Variants in HSPG2 observed in about 807,000 individuals in gnomAD.
HSPG2 encodes basement membrane-specific heparan sulfate proteoglycan core protein.
A neutral mutation model predicts 526.6 loss-of-function variants in HSPG2; 278 were observed. The observed-to-expected ratio is 0.53, with a 90% CI of 0.48 to 0.58. The LOEUF (loss-of-function observed/expected upper bound fraction) is 0.58, where lower values mean the gene tolerates loss of function less well. HSPG2 is among the 20% of genes least tolerant of loss of function. HSPG2 has a pLI of 0.00. For synonymous variants in HSPG2, 2,465 were observed against 2,555.4 expected (o/e 0.96, Z 1.07); for missense variants, 5,354 against 6,099.5 (o/e 0.88, Z 4.07).
rs1295557564 is a variant in HSPG2, at chr1:21,875,341, G to A, written c.3302+288C>T. ...CCAGAGCTCCCTGTGGGCTGAGGCT[G>A]GGGCTAGACTTGACCTGAAACCATA... On this transcript the variant is annotated intron_variant, in intron 25 of 96. Transcript: ENST00000374695. 9 of 597,366 alleles carry A rather than the reference G, an allele frequency of 1.5e-5. No individual in the cohort carries two copies. In the East Asian group the frequency reaches 2.2e-4, roughly 15 times the overall value. The allele number at this position is 597,366 out of a possible 1,614,324, so 37.0% of individuals were successfully genotyped here.
Position 21,827,893 on chromosome 1 carries a change from C to T in HSPG2, c.12559G>A (p.Asp4187Asn), listed in dbSNP as rs780983936. 1.4e-5 allele frequency: 23 copies of T among 1,595,528 alleles called. No homozygotes were observed. Among genetic ancestry groups the T allele is most frequent in the African/African-American group, 9.4e-5 (7 of 74,840 alleles). The change falls in exon 91 of 97, where the codon GAC becomes AAC. Residue 4187 changes from aspartate to asparagine, a missense_variant. Transcript: ENST00000374695. ...QGSGHGIAES[D>N]WHLEGSGGND... is the part of the protein sequence containing the mutation. ...CCCCCGCTGCCTTCAAGATGCCAGT[C>T]GGACTCTGCTATGCCATGTCCAGAG...
rs567404863 is a variant in HSPG2, at chr1:21,906,709, G to C, written c.64-10399C>G. ...CCTCCCTAAGTCCTAAATGACTGAA[G>C]CAACATGATGGGACTGGGGGGTGGG... is the stretch of plus-strand genomic sequence containing the variant. On this transcript the variant is annotated intron_variant, in intron 1 of 96. Coordinates refer to ENST00000374695, the MANE Select transcript of HSPG2 (RefSeq NM_005529.7). 9.1e-5 allele frequency among the ~76,000 whole-genome samples: 11 copies of C among 120,926 alleles called. No homozygotes were observed. The Admixed American group carries it at 9.9e-4, about 11-fold the overall frequency. The allele number at this position is 120,926 out of a possible 152,430, so 79.3% of individuals were successfully genotyped here. A position where few individuals can be genotyped will look rare whatever the true frequency, so the allele number is the denominator to read the frequency against.
In HSPG2 at chr1:21,854,994, T is replaced by C; in HGVS notation, c.5998-11A>G. The C allele has an allele frequency of 6.2e-7, 1 of 1,610,968 alleles. No homozygotes were observed. Among genetic ancestry groups the C allele is most frequent in the East Asian group, 2.2e-5 (1 of 44,832 alleles). ...GCGCTCTGACCGGGCCTGCCGTGGGTGAGATGGGTCAGCTGCCCCAGAGGC... is the reference window on the plus strand; with the variant it reads ...GCGCTCTGACCGGGCCTGCCGTGGGCGAGATGGGTCAGCTGCCCCAGAGGC... On this transcript the variant is annotated splice_polypyrimidine_tract_variant and intron_variant, in intron 47 of 96. Coordinates refer to ENST00000374695, the MANE Select transcript of HSPG2 (RefSeq NM_005529.7).
chr1:21,829,871 G>A lies in HSPG2; in HGVS notation c.11770+122C>T, dbSNP rs1003255996. 21 of 938,352 alleles carry A rather than the reference G, an allele frequency of 2.2e-5. No homozygotes were observed. The African/African-American group carries it at 2.3e-4, about 10-fold the overall frequency. 58.1% of individuals were successfully genotyped at this position (938,352 alleles called of 1,614,324 possible). On this transcript the variant is annotated intron_variant, in intron 86 of 96. Coordinates refer to ENST00000374695, the MANE Select transcript of HSPG2 (RefSeq NM_005529.7). ...GGCAGACATGTGGCCAGGTGACTTC[G>A]AGATCCTCTGGCTTGGGAATCGTTT...
chr1:21,884,026 G>A (rs1173920783), intron 13 of HSPG2, among the ~76,000 whole-genome samples: 1 of 152,218 alleles, frequency 6.6e-6, no homozygotes, highest in East Asian at 1.9e-4. Context: ...TATAATCTGG[G>A]TACACTGGCA....
In HSPG2 at chr1:21,833,304, C is replaced by T. The variant is rs371824331; in HGVS notation, c.11059G>A (p.Glu3687Lys). 13 of 1,614,102 alleles carry T rather than the reference C, an allele frequency of 8.1e-6. No individual in the cohort carries two copies. Among genetic ancestry groups the T allele is most frequent in the Admixed American group, 5.0e-5 (3 of 60,024 alleles). The change falls in exon 80 of 97, where the codon GAG (glutamate) becomes AAG (lysine). Residue 3687 changes from glutamate to lysine, a missense_variant. Coordinates refer to ENST00000374695, the MANE Select transcript of HSPG2 (RefSeq NM_005529.7). ...PTIKDAYRKFEIKITFRPDSA... is the reference protein window; with the variant it reads ...PTIKDAYRKFKIKITFRPDSA... ...TCGGGCCGGAAGGTGATCTTGATCT[C>T]GAACTTCCTGTAGGCATCCTTGATG...
rs1260898888 is a variant in HSPG2 at position 21,854,845 on chromosome 1, T to C, written c.6133+3A>G. On this transcript the variant is annotated splice_donor_region_variant and intron_variant, in intron 48 of 96. Transcript: ENST00000374695. Reference sequence around the variant, plus strand: ...CACCCCTCCATTCCCAGAGAGTCCGTACCTGAAAGGACAACCACTTGGATC... The same window carrying C: ...CACCCCTCCATTCCCAGAGAGTCCGCACCTGAAAGGACAACCACTTGGATC... 1 of 1,613,822 alleles carries C rather than the reference T, an allele frequency of 6.2e-7. No individual in the cohort carries two copies. Among genetic ancestry groups the C allele is most frequent in the Non-Finnish European group, 8.5e-7 (1 of 1,179,898 alleles).
rs1188327900 is a variant in HSPG2, at chr1:21,881,435, G to A, written c.1722C>T (p.Asp574=). ...CTAGCTGGAACTCGTGCAGGGATGG[G>A]TCGATCTGCAGCTGCGTGGAGGAGA... is the stretch of plus-strand genomic sequence containing the variant. ...PPLSSTQLQI[D]PSLHEFQLVD... Residue 574 remains aspartate (D), a synonymous_variant, in exon 14 of 97, where the codon GAC becomes GAT. Transcript: ENST00000374695. 4.3e-6 allele frequency: 7 copies of A among 1,613,860 alleles called. No individual in the cohort carries two copies. Among genetic ancestry groups the A allele is most frequent in the Non-Finnish European group, 5.9e-6 (7 of 1,180,026 alleles).
Position 21,833,497 on chromosome 1 carries a change from C to A in HSPG2, c.10948G>T (p.Val3650Phe). 1 of 1,614,182 alleles carries A rather than the reference C, an allele frequency of 6.2e-7. No individual in the cohort carries two copies. ...ACCTGCAGGTGGGCAAAGGCTTTGA[C>A]CTTGCCCTGGCGGTTAGTGGCGGTG... ...VCTATNRQGK[V>F]KAFAHLQVPE... The change falls in exon 79 of 97, where the codon GTC becomes TTC. Residue 3650 changes from valine to phenylalanine, a missense_variant. Transcript: ENST00000374695.
intron 1 of HSPG2, among the ~76,000 whole-genome samples, chr1:21,909,368 T>G (rs1030759916): frequency 2.0e-5 from 3 of 152,126 alleles, no homozygotes; most frequent in African/African-American, 7.2e-5. Context: ...AGAGAGCACA[T>G]GCTGAATCCC....
intron 17 of HSPG2, 85 bp from the exon 18 acceptor site, chr1:21,879,206 A>G: frequency 6.5e-7 from 1 of 1,538,466 alleles, no homozygotes; most frequent in African/African-American, 1.4e-5. Flanking sequence ...TGTCTAGCTC[A>G]GCCTCCCCAT....
At chr1:21,891,528 C>T (rs375840518) in intron 3 of HSPG2, among the ~76,000 whole-genome samples, 1 of 152,312 alleles carries the variant, frequency 6.6e-6, no homozygotes, top group East Asian at 1.9e-4. Flanking sequence ...CAGTGCCTGC[C>T]GCGTGCCTGG....
intron 44 of HSPG2, 40 bp downstream of exon 44, chr1:21,856,975 G>A (rs765891530): frequency 1.9e-6 from 3 of 1,592,666 alleles, no homozygotes; most frequent in East Asian, 2.2e-5. Flanking sequence ...GAATGGGGGA[G>A]AGACAGGAGG....
At chr1:21,922,713 A>C (rs1261453599) in intron 1 of HSPG2, among the ~76,000 whole-genome samples, 1 of 151,114 alleles carries the variant, frequency 6.6e-6, no homozygotes, top group African/African-American at 2.4e-5. Flanking sequence ...CCTGCCTAAA[A>C]CCCCCCTGCC....
At chr1:21,935,688 C>T (rs1569754378) in intron 1 of HSPG2, among the ~76,000 whole-genome samples, 1 of 152,198 alleles carries the variant, frequency 6.6e-6, no homozygotes, top group African/African-American at 2.4e-5. Context: ...AGCCCCTCAT[C>T]GGGGGCAGAG....
rs748770587 is a variant in HSPG2 at position 21,848,943 on chromosome 1, T to C, written c.7535A>G (p.Gln2512Arg). Residue 2512 changes from glutamine to arginine, a missense_variant, in exon 58 of 97, where the codon CAG (glutamine) becomes CGG (arginine). Coordinates refer to ENST00000374695, the MANE Select transcript of HSPG2 (RefSeq NM_005529.7). The surrounding 1 kb of genome is among the most constrained non-coding windows in gnomAD (Gnocchi z 4.9). ...VCRVVGSSGTQEASVLVTIQQ... is the reference protein window; with the variant it reads ...VCRVVGSSGTREASVLVTIQQ... ...GATGGTGACAAGGACTGAGGCTTCC[T>C]GGGTACCTGAGCTGCCGACCACACG... is the stretch of plus-strand genomic sequence containing the variant. 6.2e-7 allele frequency: 1 copy of C among 1,613,030 alleles called. No individual in the cohort carries two copies. The highest frequency in any genetic ancestry group is 8.5e-7 in the Non-Finnish European group (1 of 1,179,910).
intron 33 of HSPG2, among the ~76,000 whole-genome samples, chr1:21,868,413 A>G (rs942786563): frequency 6.6e-6 from 1 of 152,224 alleles, no homozygotes. Flanking sequence ...ATCTAAGGCC[A>G]ATGCCAGCAC....
rs987435136 is a variant in HSPG2, at chr1:21,824,303, T to A, written c.12815+3A>T. 6.2e-7 allele frequency: 1 copy of A among 1,613,816 alleles called. No homozygotes were observed. Among genetic ancestry groups the A allele is most frequent in the Non-Finnish European group, 8.5e-7 (1 of 1,179,952 alleles). ...AGAGGAAGGGCCAGGTGCCAGGACCTACCTGAAGACAAGGTGCCCGTCTTG... is the reference window on the plus strand; with the variant it reads ...AGAGGAAGGGCCAGGTGCCAGGACCAACCTGAAGACAAGGTGCCCGTCTTG... On this transcript the variant is annotated splice_donor_region_variant and intron_variant, in intron 94 of 96. Transcript: ENST00000374695. This position sits in a 1 kb window ranked among gnomAD's most constrained non-coding sequence, Gnocchi z 5.9.
rs186112414 is a variant in HSPG2, at chr1:21,878,774, C to T, written c.2472-111G>A. ...AGACACAGTGTGCCACGAGGCATGA[C>T]GCCATCTCCCTGCCCGGCAGCCTCA... is the stretch of plus-strand genomic sequence containing the variant. On this transcript the variant is annotated intron_variant, in intron 18 of 96. Coordinates refer to ENST00000374695, the MANE Select transcript of HSPG2 (RefSeq NM_005529.7). 59 of 1,225,236 alleles carry T rather than the reference C, an allele frequency of 4.8e-5. No homozygotes were observed. In the East Asian group the frequency reaches 5.9e-4, roughly 12 times the overall value. The allele number at this position is 1,225,236 out of a possible 1,614,324, so 75.9% of individuals were successfully genotyped here.
Sources: gnomAD v4.1 joint callset for allele counts (sites outside exome capture counted in the v4.1 genomes callset) on GRCh38, gnomAD v4.1.1 for gene constraint, Gnocchi (gnomAD v3.1) non-coding constraint, MANE v1.5 for transcripts, NCBI Gene and HGNC (gene_info 2026-07-23, HGNC 2026-07-21) for gene names.